RPS6KA4: variants seen among roughly 807,000 people sequenced by gnomAD.
The protein encoded by RPS6KA4 is ribosomal protein S6 kinase alpha-4.
RPS6KA4 carries 38 observed loss-of-function variants against 89.6 expected under a neutral mutation model. That is an observed-to-expected ratio of 0.42 (90% CI 0.33 to 0.56). The LOEUF is 0.56. RPS6KA4 is among the 20% of genes least tolerant of loss of function. The pLI, the probability that RPS6KA4 is intolerant of heterozygous loss-of-function variation, is 0.07. For synonymous variants in RPS6KA4, 495 were observed against 492.8 expected, an observed-to-expected ratio of 1.00 and a Z score of -0.06; for missense variants, 873 against 1,098.8, an observed-to-expected ratio of 0.79 and a Z score of 2.90.
Position 64,359,416 on chromosome 11 carries a change from A to G in RPS6KA4, c.94A>G (p.Asn32Asp). The G allele has an allele frequency of 6.2e-7, 1 of 1,613,550 alleles. No homozygotes were observed. The highest frequency in any genetic ancestry group is 8.5e-7 in the Non-Finnish European group (1 of 1,179,754). The change falls in exon 2 of 17, where the codon AAC becomes GAC. Residue 32 changes from asparagine to aspartate, a missense_variant. Transcript: ENST00000334205. Reference protein sequence around the residue: ...TGHEEKVSVENFELLKVLGTG... With the variant: ...TGHEEKVSVEDFELLKVLGTG... The stretch of plus-strand genomic sequence containing the variant: ...GCACGAGGAGAAGGTGAGCGTGGAG[A>G]ACTTCGAGCTGCTCAAGGTGCTGGG...
chr11:64,368,903 T>C, intron 12 of RPS6KA4, 106 bp downstream of exon 12: 2 of 1,085,512 alleles, frequency 1.8e-6, no homozygotes, highest in Non-Finnish European at 2.7e-6. Context: ...GCCTAGCGTT[T>C]GATTCGGGGC....
intron 9 of RPS6KA4, among the ~76,000 whole-genome samples, chr11:64,367,377 A>G (rs2036911585): frequency 6.6e-6 from 1 of 152,090 alleles, no homozygotes; most frequent in Non-Finnish European, 1.5e-5. Flanking sequence ...ATGGCATGAT[A>G]TCGGCTCACC....
In RPS6KA4 at chr11:64,368,498, G is replaced by A; in HGVS notation, c.1231G>A (p.Asp411Asn). 6.4e-7 allele frequency: 1 copy of A among 1,560,292 alleles called. No individual in the cohort carries two copies. Among genetic ancestry groups the A allele is most frequent in the Non-Finnish European group, 8.7e-7 (1 of 1,153,234 alleles). ...DSPFFQQYEL[D>N]LREPALGQGS... Reference sequence around the variant, plus strand: ...GCCCTTCTTCCAGCAGTACGAGCTGGACCTGCGGGAGCCTGCGCTGGGCCA... The same window carrying A: ...GCCCTTCTTCCAGCAGTACGAGCTGAACCTGCGGGAGCCTGCGCTGGGCCA... Residue 411 changes from aspartate (D) to asparagine (N), a missense_variant, in exon 11 of 17, where the codon GAC (aspartate) becomes AAC (asparagine). Coordinates refer to ENST00000334205, the MANE Select transcript of RPS6KA4 (RefSeq NM_003942.3).
Position 64,371,400 on chromosome 11 carries a change from G to T in RPS6KA4, c.2239G>T (p.Ala747Ser), listed in dbSNP as rs777705512. 6.2e-7 allele frequency: 1 copy of T among 1,611,094 alleles called. No homozygotes were observed. The highest frequency in any genetic ancestry group is 1.7e-5 in the Admixed American group (1 of 59,932). Residue 747 changes from alanine to serine, a missense_variant, in exon 17 of 17, where the codon GCA becomes TCA. By Grantham distance (99) the Ala-to-Ser change is moderately conservative. Transcript: ENST00000334205. ...SATASRRGSP[A>S]PANPGRAPVA... ...CACCGCCTCCCGCCGGGGCTCCCCT[G>T]CACCAGCCAACCCGGGCCGAGCCCC...
chr11:64,370,288 G>A lies in RPS6KA4; in HGVS notation c.1861G>A (p.Ala621Thr), dbSNP rs1488188178. 6.3e-7 allele frequency: 1 copy of A among 1,590,460 alleles called. No individual in the cohort carries two copies. Among genetic ancestry groups the A allele is most frequent in the Non-Finnish European group, 8.5e-7 (1 of 1,173,630 alleles). ...CTCTGGCCAGGGCGGGCAGAGCCAG[G>A]CGGCCGAGATCATGTGCAAAATCCG... ...GASGQGGQSQ[A>T]AEIMCKIREG... Residue 621 changes from alanine to threonine, a missense_variant, in exon 15 of 17, where the codon GCG becomes ACG. This residue lies in a region of RPS6KA4 where 278 missense variants were observed against 284.8 expected (regional missense o/e 0.98). Coordinates refer to ENST00000334205, the MANE Select transcript of RPS6KA4 (RefSeq NM_003942.3). This position sits in a 1 kb window ranked among gnomAD's most constrained non-coding sequence, Gnocchi z 4.1.
chr11:64,359,573 CT>C, intron 2 of RPS6KA4, 124 bp downstream of exon 2: 1 of 1,025,692 alleles, frequency 9.7e-7, no homozygotes, highest in Non-Finnish European at 1.4e-6. Flanking sequence ...CACAGCCTGC[CT>C]TGCCTGCCCC....
rs1591318517 is a variant in RPS6KA4, at chr11:64,368,737, C to T, written c.1368C>T (p.Ala456=). 1 of 1,575,684 alleles carries T rather than the reference C, an allele frequency of 6.3e-7. No individual in the cohort carries two copies. Among genetic ancestry groups the T allele is most frequent in the Non-Finnish European group, 8.6e-7 (1 of 1,161,074 alleles). ...CGAACACGCAGCGCGAAGTGGCTGCCCTGCGCCTGTGCCAGTCACACCCCA... is the reference window on the plus strand; with the variant it reads ...CGAACACGCAGCGCGAAGTGGCTGCTCTGCGCCTGTGCCAGTCACACCCCA... ...LEANTQREVA[A]LRLCQSHPNV... The change falls in exon 12 of 17, where the codon GCC becomes GCT. Residue 456 remains alanine, a synonymous_variant. Transcript: ENST00000334205.
In RPS6KA4 at chr11:64,368,494, G is replaced by A; in HGVS notation, c.1227G>A (p.Glu409=). 1 of 1,558,792 alleles carries A rather than the reference G, an allele frequency of 6.4e-7. No individual in the cohort carries two copies. Among genetic ancestry groups the A allele is most frequent in the Non-Finnish European group, 8.7e-7 (1 of 1,152,346 alleles). Residue 409 remains glutamate, a synonymous_variant, in exon 11 of 17, where the codon GAG becomes GAA. Coordinates refer to ENST00000334205, the MANE Select transcript of RPS6KA4 (RefSeq NM_003942.3). ...MQDSPFFQQY[E]LDLREPALGQ... ...ACTCGCCCTTCTTCCAGCAGTACGA[G>A]CTGGACCTGCGGGAGCCTGCGCTGG...
Position 64,369,370 on chromosome 11 carries a change from G to C in RPS6KA4, c.1429-76G>C, listed in dbSNP as rs1170860458. 2.8e-6 allele frequency: 4 copies of C among 1,446,180 alleles called. No individual in the cohort carries two copies. In the Admixed American group the frequency reaches 9.5e-5, roughly 34 times the overall value. The allele number at this position is 1,446,180 out of a possible 1,614,324, so 89.6% of individuals were successfully genotyped here. ...AACATTGGCAGGGCCCGAAGGCCGG[G>C]GGCGGGGCCTGGGTGGTGGGAGGGG... On this transcript the variant is annotated intron_variant, in intron 12 of 16. Transcript: ENST00000334205.
chr11:64,365,286 AT>A lies in RPS6KA4; in HGVS notation c.907-13del. 1 of 1,609,330 alleles carries A rather than the reference AT, an allele frequency of 6.2e-7. No homozygotes were observed. The highest frequency in any genetic ancestry group is 8.5e-7 in the Non-Finnish European group (1 of 1,176,962). Reference sequence around the variant, plus strand: ...CCTGGCCTTTGACACCTGACCTCTGATTCCCTTCCCTCAGGGCCTCGATTGG... The same window carrying A: ...CCTGGCCTTTGACACCTGACCTCTGATCCCTTCCCTCAGGGCCTCGATTGG... On this transcript the variant is annotated splice_polypyrimidine_tract_variant and intron_variant, in intron 8 of 16. Transcript: ENST00000334205.
In RPS6KA4 at chr11:64,370,198, G is replaced by A. The variant is rs1429420887; in HGVS notation, c.1798-27G>A. On this transcript the variant is annotated intron_variant, in intron 14 of 16. Coordinates refer to ENST00000334205, the MANE Select transcript of RPS6KA4 (RefSeq NM_003942.3). The surrounding 1 kb of genome is among the most constrained non-coding windows in gnomAD (Gnocchi z 4.1). The stretch of plus-strand genomic sequence containing the variant: ...CAGCCTCGGCACCCCAGCCTGGGCC[G>A]GCCTCACCTTCCCCTCACCCTCCTA... 5.3e-6 allele frequency: 8 copies of A among 1,514,568 alleles called. No individual in the cohort carries two copies. The Admixed American group carries it at 7.1e-5, about 13-fold the overall frequency. 93.8% of individuals were successfully genotyped at this position (1,514,568 alleles called of 1,614,324 possible). A position where few individuals can be genotyped will look rare whatever the true frequency, so the allele number is the denominator to read the frequency against.
At position 64,372,055 on chromosome 11, in the gene RPS6KA4, G is replaced by A. The variant is rs933047274; in HGVS notation, c.*575G>A. The A allele has an allele frequency of 1.3e-5, 2 of 152,588 alleles. No individual in the cohort carries two copies. Among genetic ancestry groups the A allele is most frequent in the African/African-American group, 4.8e-5 (2 of 41,452 alleles). 9.5% of individuals were successfully genotyped at this position (152,588 alleles called of 1,614,324 possible). A position where few individuals can be genotyped will look rare whatever the true frequency, so the allele number is the denominator to read the frequency against. On this transcript the variant is annotated 3_prime_UTR_variant, in exon 17 of 17. Coordinates refer to ENST00000334205, the MANE Select transcript of RPS6KA4 (RefSeq NM_003942.3). ...AGGAGATAGGTGGCTCCTAAAAGAG[G>A]AGGCCATCTTCTCACCCACCCCTTC...
In RPS6KA4 at chr11:64,371,469, C is replaced by G; in HGVS notation, c.2308C>G (p.Pro770Ala). ...GAPRRANGPL[P>A]PS ...CCCCCGCCGAGCCAACGGCCCCCTG[C>G]CCCCCTCCTAATCCCCACCACTGTG... The change falls in exon 17 of 17, where the codon CCC (proline) becomes GCC (alanine). Residue 770 changes from proline to alanine, a missense_variant. By Grantham distance (27) the Pro-to-Ala change is conservative. Transcript: ENST00000334205. 1 of 1,249,590 alleles carries G rather than the reference C, an allele frequency of 8.0e-7. No individual in the cohort carries two copies. Among genetic ancestry groups the G allele is most frequent in the Non-Finnish European group, 1.1e-6 (1 of 875,980 alleles). The allele number at this position is 1,249,590 out of a possible 1,614,324, so 77.4% of individuals were successfully genotyped here.
Position 64,368,218 on chromosome 11 carries a change from C to T in RPS6KA4, c.1158C>T (p.Asp386=), listed in dbSNP as rs1482602532. The T allele has an allele frequency of 1.2e-6, 2 of 1,613,526 alleles. No individual in the cohort carries two copies. Among genetic ancestry groups the T allele is most frequent in the Non-Finnish European group, 1.7e-6 (2 of 1,180,026 alleles). Residue 386 remains aspartate (D), a synonymous_variant, in exon 10 of 17, where the codon GAC becomes GAT. Coordinates refer to ENST00000334205, the MANE Select transcript of RPS6KA4 (RefSeq NM_003942.3). ...GGCTGGAAGCGCCTGGTGCTGGAGACCGGCCAGGTCGGGCAGCGGTGGCCA... is the reference window on the plus strand; with the variant it reads ...GGCTGGAAGCGCCTGGTGCTGGAGATCGGCCAGGTCGGGCAGCGGTGGCCA... ...TDGLEAPGAG[D]RPGRAAVARS...
At chr11:64,368,403 C>T (rs1046682237) in intron 10 of RPS6KA4, 65 bp from the exon 11 acceptor site, 4 of 1,540,968 alleles carry the variant, frequency 2.6e-6, no homozygotes, top group South Asian at 2.4e-5. Context: ...GTGGCGGGGC[C>T]GCGGGGCTAC....
intron 8 of RPS6KA4, among the ~76,000 whole-genome samples, chr11:64,363,149 C>T (rs1772744739): frequency 6.6e-6 from 1 of 152,220 alleles, no homozygotes. Context: ...ATCCGTCTGA[C>T]ATCTAAACAA....
chr11:64,366,166 C>T (rs617051), intron 9 of RPS6KA4, among the ~76,000 whole-genome samples: 1 of 141,906 alleles, frequency 7.0e-6, no homozygotes, highest in Non-Finnish European at 1.5e-5. Flanking sequence ...TCCCCTCCAC[C>T]GAATTTTTTT....
chr11:64,367,112 C>T (rs1013939800), intron 9 of RPS6KA4, among the ~76,000 whole-genome samples: 2 of 152,138 alleles, frequency 1.3e-5, no homozygotes, highest in African/African-American at 4.8e-5. Context: ...GAGAAGATGA[C>T]ACATAGTTTA....
chr11:64,370,153 T>C lies in RPS6KA4; in HGVS notation c.1798-72T>C. Reference sequence around the variant, plus strand: ...TGCCCCTAGTGGGGAGGGTGAGTGGTTCTGTGGGAGCGGAGGGGTCAGCCT... The same window carrying C: ...TGCCCCTAGTGGGGAGGGTGAGTGGCTCTGTGGGAGCGGAGGGGTCAGCCT... On this transcript the variant is annotated intron_variant, in intron 14 of 16. Coordinates refer to ENST00000334205, the MANE Select transcript of RPS6KA4 (RefSeq NM_003942.3). The surrounding 1 kb of genome is among the most constrained non-coding windows in gnomAD (Gnocchi z 4.1). The C allele has an allele frequency of 1.4e-6, 2 of 1,478,186 alleles. No individual in the cohort carries two copies. The highest frequency in any genetic ancestry group is 1.8e-6 in the Non-Finnish European group (2 of 1,110,488). 91.6% of individuals were successfully genotyped at this position (1,478,186 alleles called of 1,614,324 possible). A position where few individuals can be genotyped will look rare whatever the true frequency, so the allele number is the denominator to read the frequency against.
Sources: allele counts gnomAD v4.1 joint callset (sites outside exome capture counted in the v4.1 genomes callset), GRCh38; gene constraint gnomAD v4.1.1; regional missense constraint gnomAD v4.1.1; non-coding constraint Gnocchi (gnomAD v3.1); transcripts MANE v1.5; gene names NCBI Gene and HGNC (gene_info 2026-07-23, HGNC 2026-07-21).